The following NRG1 variants were observed in gnomAD, a reference collection of about 807,000 sequenced individuals.
NRG1 encodes pro-neuregulin-1, membrane-bound isoform.
Under a neutral mutation model 63.8 loss-of-function variants are expected in NRG1, and 18 were observed. The observed-to-expected ratio is 0.28, with a 90% CI of 0.19 to 0.42. NRG1 has a LOEUF of 0.42. Ranked by LOEUF, NRG1 falls within the 10% of genes least tolerant of loss-of-function variation. NRG1 has a pLI of 1.00. For missense variants in NRG1, 762 were observed against 814.7 expected, an observed-to-expected ratio of 0.94 and a Z score of 0.79; for synonymous variants, 302 against 301.3, an observed-to-expected ratio of 1.00 and a Z score of -0.02.
chr8:31,681,750 G>A (rs1320180872), intron 1 of NRG1, among the ~76,000 whole-genome samples: 2 of 150,318 alleles, frequency 1.3e-5, no homozygotes, highest in Non-Finnish European at 3.0e-5. Context: ...ACACACACAG[G>A]AGATGACCAT....
chr8:32,110,537 G>C (rs1831875072), intron 1 of NRG1, among the ~76,000 whole-genome samples: 1 of 152,170 alleles, frequency 6.6e-6, no homozygotes, highest in South Asian at 2.1e-4. Flanking sequence ...GTGAATGTAA[G>C]GTGAGAATCT....
intron 1 of NRG1, among the ~76,000 whole-genome samples, chr8:31,919,941 A>G (rs1262070635): frequency 6.6e-6 from 1 of 152,168 alleles, no homozygotes. Flanking sequence ...ATTTTATATA[A>G]GATACTTATA....
At chr8:32,400,715 G>A (rs1296551687) in intron 1 of NRG1, among the ~76,000 whole-genome samples, 1 of 152,162 alleles carries the variant, frequency 6.6e-6, no homozygotes, top group African/African-American at 2.4e-5. Flanking sequence ...CAGCCGTTCT[G>A]GAAAGCAGCA....
At chr8:32,213,861 T>A (rs1844940210) in intron 1 of NRG1, among the ~76,000 whole-genome samples, 1 of 152,120 alleles carries the variant, frequency 6.6e-6, no homozygotes, top group Non-Finnish European at 1.5e-5. Context: ...CACTCAGACG[T>A]GAGTAACTCC....
At chr8:32,143,492 A>G (rs1836523506) in intron 1 of NRG1, among the ~76,000 whole-genome samples, 1 of 152,174 alleles carries the variant, frequency 6.6e-6, no homozygotes, top group South Asian at 2.1e-4. Flanking sequence ...GCCCTTCCCC[A>G]ATGTTTCTAC....
chr8:31,686,079 T>C (rs1432621741), intron 1 of NRG1, among the ~76,000 whole-genome samples: 5 of 152,122 alleles, frequency 3.3e-5, no homozygotes. Flanking sequence ...ATTCAAGAAA[T>C]TGGATATAAA....
chr8:32,295,649 A>G (rs568137416), intron 1 of NRG1, among the ~76,000 whole-genome samples: 47 of 152,202 alleles, frequency 3.1e-4, no homozygotes, highest in African/African-American at 6.3e-4. Flanking sequence ...AGTGATTGGA[A>G]AGAATTTTAA....
intron 5 of NRG1, among the ~76,000 whole-genome samples, chr8:32,683,065 CACA>C (rs1161253244): frequency 6.6e-6 from 1 of 152,156 alleles, no homozygotes; most frequent in African/African-American, 2.4e-5. Context: ...ATTATTTATG[CACA>C]ACAAGAATTC....
At chr8:32,597,844 T>A (rs1843632292) in intron 2 of NRG1, among the ~76,000 whole-genome samples, 1 of 152,152 alleles carries the variant, frequency 6.6e-6, no homozygotes. Context: ...TTTAACAGCA[T>A]ATGTGCATGA....
intron 1 of NRG1, among the ~76,000 whole-genome samples, chr8:32,186,960 C>T (rs931920690): frequency 6.6e-6 from 1 of 152,190 alleles, no homozygotes; most frequent in African/African-American, 2.4e-5. Context: ...AGACTTCCCC[C>T]TACTGAGCAT....
intron 5 of NRG1, among the ~76,000 whole-genome samples, chr8:32,654,560 C>T (rs986269590): frequency 7.3e-6 from 1 of 136,796 alleles, no homozygotes; most frequent in Non-Finnish European, 1.6e-5. Flanking sequence ...ACCTGGGAGG[C>T]GGAGGTTGCA....
At chr8:32,175,820 A>G (rs545896066) in intron 1 of NRG1, among the ~76,000 whole-genome samples, 3 of 152,358 alleles carry the variant, frequency 2.0e-5, no homozygotes, top group Admixed American at 6.5e-5. Flanking sequence ...CCACTGCTCA[A>G]TGAAATAAAA....
intron 1 of NRG1, among the ~76,000 whole-genome samples, chr8:32,312,808 T>C (rs1856975538): frequency 6.6e-6 from 1 of 151,332 alleles, no homozygotes; most frequent in Admixed American, 6.6e-5. Flanking sequence ...CTTCCTTCCT[T>C]CCATCCTTCC....
chr8:31,989,253 CAAA>C lies in NRG1; in HGVS notation c.37+349840_37+349842del, dbSNP rs10692906. On this transcript the variant is annotated intron_variant, in intron 1 of 10. Transcript: ENST00000519301. ...CCTGGGTGAGAGAGAGACTCTGTCT[CAAA>C]AAAAAAAAAAAAAAAAAGAACAAAA... is the stretch of plus-strand genomic sequence containing the variant. Among the ~76,000 whole-genome samples the C allele has an allele frequency of 1.9e-4, 9 of 47,528 alleles. 1 individual carries two copies. Among genetic ancestry groups the C allele is most frequent in the South Asian group, 2.8e-3 (2 of 710 alleles). The allele number at this position is 47,528 out of a possible 152,430, so 31.2% of individuals were successfully genotyped here.
chr8:31,762,810 T>C (rs1817688577), intron 1 of NRG1, among the ~76,000 whole-genome samples: 1 of 152,206 alleles, frequency 6.6e-6, no homozygotes, highest in East Asian at 1.9e-4. Flanking sequence ...TTTAAGAAAA[T>C]AATGGAGAAA....
At chr8:32,172,840 C>A (rs188229061) in intron 1 of NRG1, among the ~76,000 whole-genome samples, 3 of 151,686 alleles carry the variant, frequency 2.0e-5, no homozygotes, top group Middle Eastern at 3.4e-3. Flanking sequence ...TGGGACTATG[C>A]GAAAAGACCA....
At chr8:32,428,955 A>C (rs1198742943) in intron 1 of NRG1, among the ~76,000 whole-genome samples, 7 of 152,164 alleles carry the variant, frequency 4.6e-5, no homozygotes, top group Non-Finnish European at 7.4e-5. Flanking sequence ...TATTCAGTCC[A>C]CATTGGAAAG....
chr8:31,788,283 A>G (rs112163192), intron 1 of NRG1, among the ~76,000 whole-genome samples: 3 of 152,320 alleles, frequency 2.0e-5, no homozygotes, highest in African/African-American at 7.2e-5. Context: ...CCTCCTTTAC[A>G]TACATTCACA....
chr8:32,007,551 CTT>C (rs1172837872), intron 1 of NRG1, among the ~76,000 whole-genome samples: 2 of 152,034 alleles, frequency 1.3e-5, no homozygotes, highest in Admixed American at 1.3e-4. Context: ...CAAGGTTACT[CTT>C]TGCAATTGAG....
Sources: gnomAD v4.1 joint callset for allele counts (sites outside exome capture counted in the v4.1 genomes callset) on GRCh38, gnomAD v4.1.1 for gene constraint, MANE v1.5 for transcripts, NCBI Gene and HGNC (gene_info 2026-07-23, HGNC 2026-07-21) for gene names.